Variants in CPLANE1 observed in about 807,000 individuals in gnomAD.
CPLANE1 encodes ciliogenesis and planar polarity effector 1.
Under a neutral mutation model 362.5 loss-of-function variants are expected in CPLANE1, and 263 were observed. That is an observed-to-expected ratio of 0.73 (90% CI 0.66 to 0.80). The LOEUF (loss-of-function observed/expected upper bound fraction) is 0.80, where lower values mean the gene tolerates loss of function less well. Among genes scored for constraint, CPLANE1 ranks in the 30% least tolerant of loss-of-function variants. CPLANE1 has a pLI of 0.00. For synonymous variants in CPLANE1, 1,212 were observed against 1,302.6 expected (o/e 0.93, Z 1.50); for missense variants, 3,461 against 3,793.4 (o/e 0.91, Z 2.30).
At chr5:37,166,931 C>A (rs908398073) in intron 35 of CPLANE1, 116 bp downstream of exon 35, 7 of 758,592 alleles carry the variant, frequency 9.2e-6, no homozygotes, top group East Asian at 8.8e-5. Flanking sequence ...GAAAAGAAAA[C>A]TGAATGTGCA....
At chr5:37,235,917 T>C (rs1026707327) in intron 8 of CPLANE1, among the ~76,000 whole-genome samples, 1 of 147,874 alleles carries the variant, frequency 6.8e-6, no homozygotes, top group African/African-American at 2.5e-5. Flanking sequence ...TTGCCCAGGC[T>C]GGAGTGCAAC....
At chr5:37,172,921 T>C (rs1162589213) in intron 32 of CPLANE1, among the ~76,000 whole-genome samples, 2 of 152,110 alleles carry the variant, frequency 1.3e-5, no homozygotes, top group Non-Finnish European at 2.9e-5. Context: ...GAGGCAGAGG[T>C]TGCAGTGAGC....
chr5:37,243,175 T>C (rs750208974), intron 5 of CPLANE1, 56 bp from the exon 6 acceptor site: 18 of 967,688 alleles, frequency 1.9e-5, no homozygotes, highest in South Asian at 3.3e-5. Context: ...TAAATCAAGA[T>C]ACTAAAATAC....
At chr5:37,238,430 A>C (rs1581001695) in intron 8 of CPLANE1, among the ~76,000 whole-genome samples, 1 of 146,260 alleles carries the variant, frequency 6.8e-6, no homozygotes, top group African/African-American at 2.5e-5. Context: ...TGATCCACCT[A>C]CCTCAGCCTC....
intron 45 of CPLANE1, among the ~76,000 whole-genome samples, chr5:37,139,134 T>C (rs1356162011): frequency 6.6e-6 from 1 of 152,202 alleles, no homozygotes; most frequent in African/African-American, 2.4e-5. Context: ...AAATATAGTC[T>C]ATTGAATTCT....
At chr5:37,118,695 C>A (rs1761759666) in intron 50 of CPLANE1, among the ~76,000 whole-genome samples, 1 of 150,800 alleles carries the variant, frequency 6.6e-6, no homozygotes, top group Non-Finnish European at 1.5e-5. Context: ...ACAGAACCTG[C>A]CACATAATTA....
chr5:37,153,747 C>G lies in CPLANE1; in HGVS notation c.8366G>C (p.Cys2789Ser), dbSNP rs754429808. The G allele has an allele frequency of 6.2e-7, 1 of 1,609,816 alleles. No individual in the cohort carries two copies. The highest frequency in any genetic ancestry group is 8.5e-7 in the Non-Finnish European group (1 of 1,176,394). Reference protein sequence around the residue: ...FPKPEMLDLHCDKIGPVDHIE... With the variant: ...FPKPEMLDLHSDKIGPVDHIE... ...AAAATAAAGGTAGTCTACCTTATCA[C>G]AATGTAGATCTAGCATTTCAGGCTT... Residue 2789 changes from cysteine to serine, a missense_variant, in exon 42 of 53, where the codon TGT becomes TCT. Transcript: ENST00000651892.
chr5:37,107,502 T>C lies in CPLANE1; in HGVS notation c.*100A>G. 1 of 1,327,134 alleles carries C rather than the reference T, an allele frequency of 7.5e-7. No homozygotes were observed. Among genetic ancestry groups the C allele is most frequent in the South Asian group, 2.6e-5 (1 of 38,570 alleles). 82.2% of individuals were successfully genotyped at this position (1,327,134 alleles called of 1,614,324 possible). On this transcript the variant is annotated 3_prime_UTR_variant, in exon 53 of 53. Transcript: ENST00000651892. ...TATGAAAGCAAATGGAAAATTCACA[T>C]TGCTTCTTTCATTGCTTCTGTCCCT... is the stretch of plus-strand genomic sequence containing the variant.
chr5:37,233,989 G>C (rs1290679908), intron 8 of CPLANE1, among the ~76,000 whole-genome samples: 1 of 152,088 alleles, frequency 6.6e-6, no homozygotes, highest in Non-Finnish European at 1.5e-5. Context: ...TACTACTGAA[G>C]AAGTCATACA....
chr5:37,162,716 G>A (rs1289838758), intron 37 of CPLANE1, 150 bp from the exon 38 acceptor site: 6 of 505,156 alleles, frequency 1.2e-5, no homozygotes, highest in Non-Finnish European at 1.7e-5. Flanking sequence ...GTCTGGCTCT[G>A]CTGCCCAGGC....
chr5:37,224,224 A>G, intron 14 of CPLANE1, 29 bp downstream of exon 14: 1 of 1,444,132 alleles, frequency 6.9e-7, no homozygotes, highest in East Asian at 2.5e-5. Flanking sequence ...TGCTAATATT[A>G]TGGCACATAT....
At chr5:37,133,197 G>A (rs1397114855) in intron 46 of CPLANE1, among the ~76,000 whole-genome samples, 1 of 152,120 alleles carries the variant, frequency 6.6e-6, no homozygotes, top group Non-Finnish European at 1.5e-5. Flanking sequence ...TTTGAAGGCA[G>A]GTAACATGAT....
chr5:37,136,506 C>T (rs1767754561), intron 46 of CPLANE1, among the ~76,000 whole-genome samples: 1 of 152,190 alleles, frequency 6.6e-6, no homozygotes, highest in African/African-American at 2.4e-5. Context: ...GTAAATCTAC[C>T]ATTCTGGGGT....
chr5:37,205,368 G>A lies in CPLANE1; in HGVS notation c.3236C>T (p.Pro1079Leu). 1 of 1,550,882 alleles carries A rather than the reference G, an allele frequency of 6.4e-7. No homozygotes were observed. Among genetic ancestry groups the A allele is most frequent in the South Asian group, 1.2e-5 (1 of 83,926 alleles). ...TTCATTTTTTGCTTCCAAAGAGGCT[G>A]GTTGACCTAAAACACACTGCAGTTT... ...QEKLQCVLGQ[P>L]ASLEAKNEMG... is the part of the protein sequence containing the mutation. The change falls in exon 18 of 53, where the codon CCA (proline) becomes CTA (leucine). Residue 1079 changes from proline (P) to leucine (L), a missense_variant. By Grantham distance (98) the Pro-to-Leu change is moderately conservative. Coordinates refer to ENST00000651892, the MANE Select transcript of CPLANE1 (RefSeq NM_001384732.1).
At chr5:37,114,603 A>T (rs1760365469) in intron 51 of CPLANE1, among the ~76,000 whole-genome samples, 1 of 152,114 alleles carries the variant, frequency 6.6e-6, no homozygotes, top group African/African-American at 2.4e-5. Context: ...AATTTTTTTA[A>T]AATTTAGTAT....
chr5:37,107,589 T>C lies in CPLANE1; in HGVS notation c.*13A>G. The C allele has an allele frequency of 6.3e-7, 1 of 1,596,878 alleles. No individual in the cohort carries two copies. The highest frequency in any genetic ancestry group is 8.5e-7 in the Non-Finnish European group (1 of 1,169,746). Reference sequence around the variant, plus strand: ...TGCTGGCCTGTGCATGGAAACCCAATGATATCCAGGTCTTACAGGTCCAGG... The same window carrying C: ...TGCTGGCCTGTGCATGGAAACCCAACGATATCCAGGTCTTACAGGTCCAGG... On this transcript the variant is annotated 3_prime_UTR_variant, in exon 53 of 53. Transcript: ENST00000651892.
chr5:37,190,675 G>A (rs1349971182), intron 21 of CPLANE1, among the ~76,000 whole-genome samples: 1 of 152,090 alleles, frequency 6.6e-6, no homozygotes, highest in Non-Finnish European at 1.5e-5. Context: ...AGATAACATA[G>A]TCAGATGCCA....
At chr5:37,150,937 GT>G (rs1185438908) in intron 42 of CPLANE1, among the ~76,000 whole-genome samples, 1 of 152,164 alleles carries the variant, frequency 6.6e-6, no homozygotes, top group Non-Finnish European at 1.5e-5. Flanking sequence ...TGGAACCACT[GT>G]GACCCATGTG....
At chr5:37,235,377 A>C (rs1437187191) in intron 8 of CPLANE1, among the ~76,000 whole-genome samples, 2 of 152,162 alleles carry the variant, frequency 1.3e-5, no homozygotes, top group Admixed American at 1.3e-4. Context: ...ATGGAAAAGC[A>C]TCTCATGCTT....
Sources: allele counts gnomAD v4.1 joint callset (sites outside exome capture counted in the v4.1 genomes callset), GRCh38; gene constraint gnomAD v4.1.1; transcripts MANE v1.5; gene names NCBI Gene and HGNC (gene_info 2026-07-23, HGNC 2026-07-21).